DECR1: variants seen among roughly 807,000 people sequenced by gnomAD.
The protein encoded by DECR1 is 2,4-dienoyl-CoA reductase 1, also known as 2,4-dienoyl-CoA reductase [(3E)-enoyl-CoA-producing], mitochondrial.
A neutral mutation model predicts 38.8 loss-of-function variants in DECR1; 44 were observed. The ratio of observed to expected loss-of-function variants is 1.13; its 90% confidence interval spans 0.89 to 1.46. DECR1 has a LOEUF of 1.46. Ranked by LOEUF, DECR1 falls within the 40% of genes most tolerant of loss-of-function variation. The probability of loss-of-function intolerance (pLI) is 0.00; values close to 1 mark genes in which losing one functional copy is unlikely to be tolerated. For synonymous variants in DECR1, 148 were observed against 135.2 expected (o/e 1.09, Z -0.66); for missense variants, 428 against 405.5 (o/e 1.06, Z -0.48).
intron 5 of DECR1, among the ~76,000 whole-genome samples, chr8:90,022,469 T>C (rs908982677): frequency 2.0e-5 from 3 of 152,138 alleles, no homozygotes; most frequent in Non-Finnish European, 4.4e-5. Context: ...TGATTTATAA[T>C]TGGATTTTGG....
intron 1 of DECR1, among the ~76,000 whole-genome samples, chr8:90,014,619 C>T (rs1366333266): frequency 6.6e-6 from 1 of 152,022 alleles, no homozygotes; most frequent in East Asian, 1.9e-4. Context: ...TTTTCTCTAC[C>T]AGTGAGGAGG....
chr8:90,046,179 G>A (rs138411972), intron 8 of DECR1, among the ~76,000 whole-genome samples: 4,112 of 152,318 alleles, frequency 0.027, 111 homozygotes, highest in South Asian at 0.11. Context: ...AAAGCTGGAC[G>A]GAGAATGACT....
At chr8:90,010,319 A>T (rs1158007928) in intron 1 of DECR1, among the ~76,000 whole-genome samples, 4 of 152,194 alleles carry the variant, frequency 2.6e-5, no homozygotes, top group Non-Finnish European at 4.4e-5. Context: ...ACAGTTCTTC[A>T]TTCTGCAAGG....
intron 1 of DECR1, among the ~76,000 whole-genome samples, chr8:90,009,742 G>A (rs1586135547): frequency 1.3e-5 from 2 of 152,068 alleles, no homozygotes; most frequent in Non-Finnish European, 2.9e-5. Context: ...ACATGATAGG[G>A]GATCAATAAG....
intron 5 of DECR1, among the ~76,000 whole-genome samples, chr8:90,028,522 C>T (rs1813412276): frequency 6.6e-6 from 1 of 151,908 alleles, no homozygotes; most frequent in Non-Finnish European, 1.5e-5. Context: ...TTCCTTATAC[C>T]TAAGAACATA....
intron 8 of DECR1, among the ~76,000 whole-genome samples, chr8:90,047,437 A>T (rs1425014465): frequency 1.3e-5 from 2 of 152,354 alleles, no homozygotes; most frequent in East Asian, 3.9e-4. Context: ...GAGAGAAAGA[A>T]GGCCATTACA....
intron 8 of DECR1, among the ~76,000 whole-genome samples, chr8:90,048,723 G>A (rs182901307): frequency 2.0e-5 from 3 of 152,108 alleles, no homozygotes; most frequent in African/African-American, 7.2e-5. Flanking sequence ...GCCTGGCAGA[G>A]ATACAACAAC....
At chr8:90,022,047 A>AGAGG (rs1436651447) in intron 5 of DECR1, among the ~76,000 whole-genome samples, 1 of 152,190 alleles carries the variant, frequency 6.6e-6, no homozygotes, top group East Asian at 1.9e-4. Flanking sequence ...CTCAAAGCAC[A>AGAGG]GAGGTGGACA....
At chr8:90,039,933 A>C (rs1423255804) in intron 6 of DECR1, among the ~76,000 whole-genome samples, 1 of 152,208 alleles carries the variant, frequency 6.6e-6, no homozygotes, top group Non-Finnish European at 1.5e-5. Flanking sequence ...TGGCTAACAT[A>C]TTGCATATAT....
intron 1 of DECR1, among the ~76,000 whole-genome samples, chr8:90,011,358 A>T (rs1161690924): frequency 1.3e-5 from 2 of 152,206 alleles, no homozygotes; most frequent in African/African-American, 2.4e-5. Flanking sequence ...TATGTCCCCT[A>T]AGGAAACACA....
chr8:90,004,249 A>G (rs1812688008), intron 1 of DECR1, among the ~76,000 whole-genome samples: 1 of 151,964 alleles, frequency 6.6e-6, no homozygotes, highest in South Asian at 2.1e-4. Context: ...CAGGAGGCTG[A>G]GGCAGGAGAA....
chr8:90,052,076 T>TTAAAAAC lies in DECR1; in HGVS notation c.*179_*180insTAAAAAC. The stretch of plus-strand genomic sequence containing the variant: ...ATTCAAAGATAAATAAAATGAAATA[T>TTAAAAAC]AGTCCTTCAAAACATTAAAAAAAAA... On this transcript the variant is annotated 3_prime_UTR_variant, in exon 10 of 10. Coordinates refer to ENST00000220764, the MANE Select transcript of DECR1 (RefSeq NM_001359.2). 1.8e-6 allele frequency: 1 copy of TTAAAAAC among 557,506 alleles called. No homozygotes were observed. The highest frequency in any genetic ancestry group is 3.0e-6 in the Non-Finnish European group (1 of 328,134). The allele number at this position is 557,506 out of a possible 1,614,324, so 34.5% of individuals were successfully genotyped here.
intron 5 of DECR1, among the ~76,000 whole-genome samples, chr8:90,029,892 T>A (rs1264781669): frequency 1.3e-5 from 2 of 151,784 alleles, no homozygotes; most frequent in African/African-American, 4.8e-5. Context: ...AGCCATAGAG[T>A]CTCCATTCCC....
intron 8 of DECR1, 97 bp downstream of exon 8, chr8:90,045,092 TATC>T: frequency 1.8e-6 from 2 of 1,099,918 alleles, no homozygotes; most frequent in Non-Finnish European, 2.8e-6. Flanking sequence ...TGAATGTAAA[TATC>T]ATTTAAAATA....
intron 1 of DECR1, chr8:90,015,448 A>G (rs1010882116): frequency 1.6e-5 from 5 of 310,644 alleles, no homozygotes; most frequent in Non-Finnish European, 3.2e-5. Flanking sequence ...TTCTAAGCAT[A>G]TATTTTTATT....
rs140017199 is a variant in DECR1, at chr8:90,009,941, G to A, written c.70-7183G>A. 1.2e-3 allele frequency among the ~76,000 whole-genome samples: 188 copies of A among 152,304 alleles called. 1 individual carries two copies. The highest frequency in any genetic ancestry group is 4.2e-3 in the African/African-American group (175 of 41,564). ...TGTACACCCTATGGCATAGAGCACC[G>A]ACATTTTCAAGGACTCATGTTCACT... On this transcript the variant is annotated intron_variant, in intron 1 of 9. Transcript: ENST00000220764.
At chr8:90,031,485 G>A (rs1813493218) in intron 5 of DECR1, among the ~76,000 whole-genome samples, 1 of 152,028 alleles carries the variant, frequency 6.6e-6, no homozygotes. Context: ...CTACATGAGG[G>A]ACATATTTAT....
In DECR1 at chr8:90,020,895, T is replaced by C; in HGVS notation, c.418-14T>C. The C allele has an allele frequency of 6.6e-7, 1 of 1,518,766 alleles. No homozygotes were observed. The highest frequency in any genetic ancestry group is 1.4e-5 in the African/African-American group (1 of 70,264). The allele number at this position is 1,518,766 out of a possible 1,614,324, so 94.1% of individuals were successfully genotyped here. On this transcript the variant is annotated splice_polypyrimidine_tract_variant and intron_variant, in intron 4 of 9. Coordinates refer to ENST00000220764, the MANE Select transcript of DECR1 (RefSeq NM_001359.2). ...CATCTAAAGTTTCTGTAACTTGCCT[T>C]GTTCATTTATTAGATTGTGATAAAC...
intron 1 of DECR1, among the ~76,000 whole-genome samples, chr8:90,015,170 AAAAC>A: frequency 6.6e-6 from 1 of 152,294 alleles, no homozygotes; most frequent in East Asian, 1.9e-4. Context: ...CAAACAAAAA[AAAAC>A]AAATAATTAT....
Sources: allele counts gnomAD v4.1 joint callset (sites outside exome capture counted in the v4.1 genomes callset), GRCh38; gene constraint gnomAD v4.1.1; transcripts MANE v1.5; gene names NCBI Gene and HGNC (gene_info 2026-07-23, HGNC 2026-07-21).